The following VCP variants were observed in gnomAD, a reference collection of about 807,000 sequenced individuals.
The protein encoded by VCP is valosin containing protein, also known as transitional endoplasmic reticulum ATPase.
Under a neutral mutation model 85.7 loss-of-function variants are expected in VCP, and 6 were observed. That is an observed-to-expected ratio of 0.07 (90% CI 0.04 to 0.14). The LOEUF is 0.14. Among genes scored for constraint, VCP ranks in the 10% least tolerant of loss-of-function variants. The pLI is 1.00. For missense variants in VCP, 353 were observed against 1,043.4 expected (o/e 0.34, Z 9.12); for synonymous variants, 384 against 367.1 (o/e 1.05, Z -0.53).
chr9:35,064,530 T>A (rs1169729944), intron 5 of VCP, among the ~76,000 whole-genome samples: 1 of 151,954 alleles, frequency 6.6e-6, no homozygotes, highest in Non-Finnish European at 1.5e-5. Context: ...TAAATTAAAT[T>A]TAAAAAAGAT....
chr9:35,070,420 ATGCCTCTAGTCACCATAGTT>A (rs1187112921), intron 1 of VCP, among the ~76,000 whole-genome samples: 2 of 152,274 alleles, frequency 1.3e-5, no homozygotes, highest in South Asian at 4.1e-4. Flanking sequence ...AAAACGCCAG[ATGCCTCTAGTCACCATAGTT>A]TTTTATTTTT....
intron 16 of VCP, 45 bp downstream of exon 16, chr9:35,057,331 C>T (rs1489898533): frequency 6.2e-7 from 1 of 1,614,094 alleles, no homozygotes; most frequent in Admixed American, 1.7e-5. Flanking sequence ...TGGTGTAGGT[C>T]CCCAAAGTAA....
intron 1 of VCP, chr9:35,072,028 T>C (rs1415165962): frequency 1.0e-5 from 12 of 1,175,458 alleles, no homozygotes; most frequent in Non-Finnish European, 1.3e-5. Context: ...CCGGAAGACC[T>C]GGCCAGGCCC....
Position 35,061,493 on chromosome 9 carries a change from C to A in VCP, c.1194+84G>T, listed in dbSNP as rs74763589. On this transcript the variant is annotated intron_variant, in intron 10 of 16. Transcript: ENST00000358901. ...CCAGAAATCAAAACCCATCTCCTCACATCTTAACCTTATGTCTCTAGCCAG... is the reference window on the plus strand; with the variant it reads ...CCAGAAATCAAAACCCATCTCCTCAAATCTTAACCTTATGTCTCTAGCCAG... 22,990 of 1,317,564 alleles carry A rather than the reference C, an allele frequency of 0.017. 1,454 individuals are homozygous for A. Among genetic ancestry groups the A allele is most frequent in the African/African-American group, 0.17 (12,017 of 69,058 alleles). The allele number at this position is 1,317,564 out of a possible 1,614,324, so 81.6% of individuals were successfully genotyped here. A position where few individuals can be genotyped will look rare whatever the true frequency, so the allele number is the denominator to read the frequency against.
intron 7 of VCP, among the ~76,000 whole-genome samples, 154 bp from the exon 8 acceptor site, chr9:35,062,504 C>G (rs1362187684): frequency 6.6e-6 from 1 of 152,194 alleles, no homozygotes; most frequent in East Asian, 1.9e-4. Flanking sequence ...CAGCCATTAT[C>G]CCAGGACAGC....
intron 1 of VCP, among the ~76,000 whole-genome samples, chr9:35,068,896 T>A (rs1828885324): frequency 6.6e-6 from 1 of 152,162 alleles, no homozygotes; most frequent in Non-Finnish European, 1.5e-5. Context: ...TGTAAAATGC[T>A]TAACATAATA....
chr9:35,069,896 C>G (rs1828906279), intron 1 of VCP, among the ~76,000 whole-genome samples: 1 of 152,202 alleles, frequency 6.6e-6, no homozygotes, highest in Admixed American at 6.5e-5. Flanking sequence ...TCATGAGTCT[C>G]TATTATGTAC....
intron 1 of VCP, among the ~76,000 whole-genome samples, chr9:35,071,015 C>G (rs969156428): frequency 1.3e-5 from 2 of 152,176 alleles, no homozygotes; most frequent in South Asian, 2.1e-4. Flanking sequence ...CTCCACGGGA[C>G]TTGGAAGGGT....
chr9:35,056,922 T>C lies in VCP; in HGVS notation c.*195A>G. On this transcript the variant is annotated 3_prime_UTR_variant, in exon 17 of 17. Transcript: ENST00000358901. Reference sequence around the variant, plus strand: ...TCTCCGCCTACCAAATGAAAATCGCTTTTATTTTATCGCTTTTGTTTTGTA... The same window carrying C: ...TCTCCGCCTACCAAATGAAAATCGCCTTTATTTTATCGCTTTTGTTTTGTA... 1.6e-6 allele frequency: 1 copy of C among 624,410 alleles called. No homozygotes were observed. Among genetic ancestry groups the C allele is most frequent in the Middle Eastern group, 4.3e-4 (1 of 2,310 alleles). The allele number at this position is 624,410 out of a possible 1,614,324, so 38.7% of individuals were successfully genotyped here.
At position 35,072,533 on chromosome 9, in the gene VCP, A is replaced by G; in HGVS notation, c.-180T>C. 1.4e-6 allele frequency: 1 copy of G among 724,292 alleles called. No individual in the cohort carries two copies. The highest frequency in any genetic ancestry group is 2.0e-6 in the Non-Finnish European group (1 of 494,820). 44.9% of individuals were successfully genotyped at this position (724,292 alleles called of 1,614,324 possible). On this transcript the variant is annotated 5_prime_UTR_variant, in exon 1 of 17. Coordinates refer to ENST00000358901, the MANE Select transcript of VCP (RefSeq NM_007126.5). ...CCGGCAGCGAGGCGTCGGGCGAACAACGCTGGCTCCTGATCCGCGAGGTGG... is the reference window on the plus strand; with the variant it reads ...CCGGCAGCGAGGCGTCGGGCGAACAGCGCTGGCTCCTGATCCGCGAGGTGG...
chr9:35,069,865 G>C (rs1251972381), intron 1 of VCP, among the ~76,000 whole-genome samples: 1 of 152,170 alleles, frequency 6.6e-6, no homozygotes, highest in Non-Finnish European at 1.5e-5. Context: ...TTTTTAAAAC[G>C]AATTTCTTCA....
chr9:35,064,296 A>T lies in VCP; in HGVS notation c.577-11T>A, dbSNP rs1333970754. On this transcript the variant is annotated splice_polypyrimidine_tract_variant and intron_variant, in intron 5 of 16. Transcript: ENST00000358901. Reference sequence around the variant, plus strand: ...GGACTCTTCCTCATCCTGAATATGGAGGAGATAAAGAAAGGAGAAGGCAAG... The same window carrying T: ...GGACTCTTCCTCATCCTGAATATGGTGGAGATAAAGAAAGGAGAAGGCAAG... 1 of 1,613,816 alleles carries T rather than the reference A, an allele frequency of 6.2e-7. No individual in the cohort carries two copies. Among genetic ancestry groups the T allele is most frequent in the Non-Finnish European group, 8.5e-7 (1 of 1,179,996 alleles).
rs949134426 is a variant in VCP at position 35,056,653 on chromosome 9, A to T, written c.*464T>A. The T allele has an allele frequency of 5.2e-6, 1 of 193,034 alleles. No individual in the cohort carries two copies. The highest frequency in any genetic ancestry group is 1.1e-5 in the Non-Finnish European group (1 of 91,114). 12.0% of individuals were successfully genotyped at this position (193,034 alleles called of 1,614,324 possible). A position where few individuals can be genotyped will look rare whatever the true frequency, so the allele number is the denominator to read the frequency against. On this transcript the variant is annotated 3_prime_UTR_variant, in exon 17 of 17. Transcript: ENST00000358901. ...TGATTAGTTTTCCAACATTAACTCA[A>T]AAGCATGTAAAATAAATCAACCTAC...
chr9:35,056,128 G>GT lies in VCP; in HGVS notation c.*988dup, dbSNP rs1162589751. 2.0e-5 allele frequency: 3 copies of GT among 151,628 alleles called. No homozygotes were observed. The highest frequency in any genetic ancestry group is 2.1e-4 in the South Asian group (1 of 4,780). The allele number at this position is 151,628 out of a possible 1,614,324, so 9.4% of individuals were successfully genotyped here. The stretch of plus-strand genomic sequence containing the variant: ...ACATAAAATAAAGGTGGACACAACT[G>GT]TAAGTGATCACCAACCAGGGGATGT... On this transcript the variant is annotated 3_prime_UTR_variant, in exon 17 of 17. Transcript: ENST00000358901.
intron 4 of VCP, among the ~76,000 whole-genome samples, chr9:35,065,790 G>A (rs937975575): frequency 6.6e-6 from 1 of 152,346 alleles, no homozygotes; most frequent in African/African-American, 2.4e-5. Context: ...GAGAGATGGA[G>A]CAAAGGAAGG....
Position 35,059,478 on chromosome 9 carries a change from T to C in VCP, c.2004+15A>G, listed in dbSNP as rs764417368. 1.2e-6 allele frequency: 2 copies of C among 1,613,518 alleles called. No individual in the cohort carries two copies. Among genetic ancestry groups the C allele is most frequent in the East Asian group, 4.5e-5 (2 of 44,876 alleles). On this transcript the variant is annotated intron_variant, in intron 14 of 16. Coordinates refer to ENST00000358901, the MANE Select transcript of VCP (RefSeq NM_007126.5). This position sits in a 1 kb window ranked among gnomAD's most constrained non-coding sequence, Gnocchi z 4.9. ...ACTCATGCAAGTCTCCCACAGCCCA[T>C]GATCTTGCACCTGCCTTGGCAACTG...
rs561791173 is a variant in VCP at position 35,071,789 on chromosome 9, G to A, written c.17+548C>T. ...CCCGCCGACCCGGCTCCAAAAAGGC[G>A]GCTGTGAGCTTCCCTGAGCTCGGCG... On this transcript the variant is annotated intron_variant, in intron 1 of 16. Coordinates refer to ENST00000358901, the MANE Select transcript of VCP (RefSeq NM_007126.5). 47 of 988,418 alleles carry A rather than the reference G, an allele frequency of 4.8e-5. No homozygotes were observed. The African/African-American group carries it at 8.0e-4, about 17-fold the overall frequency. 61.2% of individuals were successfully genotyped at this position (988,418 alleles called of 1,614,324 possible). A position where few individuals can be genotyped will look rare whatever the true frequency, so the allele number is the denominator to read the frequency against.
chr9:35,069,267 C>A (rs1425921054), intron 1 of VCP, among the ~76,000 whole-genome samples: 5 of 152,160 alleles, frequency 3.3e-5, no homozygotes, highest in Non-Finnish European at 1.5e-5. Context: ...AAAATCAAAA[C>A]CAAGAAATGC....
At chr9:35,061,918 G>A in intron 9 of VCP, 85 bp downstream of exon 9, 2 of 1,607,646 alleles carry the variant, frequency 1.2e-6, no homozygotes, top group Admixed American at 1.7e-5. Context: ...CACTGTGAAG[G>A]GCTTCAAGAG....
Sources: allele counts gnomAD v4.1 joint callset (sites outside exome capture counted in the v4.1 genomes callset), GRCh38; gene constraint gnomAD v4.1.1; non-coding constraint Gnocchi (gnomAD v3.1); transcripts MANE v1.5; gene names NCBI Gene and HGNC (gene_info 2026-07-23, HGNC 2026-07-21).